The following PHF14 variants were observed in gnomAD, a reference collection of about 807,000 sequenced individuals.
PHF14 encodes PHD finger protein 14.
Under a neutral mutation model 117.9 loss-of-function variants are expected in PHF14, and 55 were observed. The observed-to-expected ratio is 0.47, with a 90% CI of 0.38 to 0.58. PHF14 has a LOEUF of 0.58. Ranked by LOEUF, PHF14 falls within the 20% of genes least tolerant of loss-of-function variation. PHF14 has a pLI of 0.00. For missense variants in PHF14, 978 were observed against 1,122.2 expected (o/e 0.87, Z 1.84); for synonymous variants, 409 against 368.6 (o/e 1.11, Z -1.26).
chr7:11,016,067 A>C (rs1306198601), intron 5 of PHF14, among the ~76,000 whole-genome samples: 2 of 152,146 alleles, frequency 1.3e-5, no homozygotes, highest in Admixed American at 1.3e-4. Context: ...AAGAAAACTG[A>C]GGCCTCTTTA....
At chr7:10,979,215 A>G (rs146926128) in intron 2 of PHF14, among the ~76,000 whole-genome samples, 33 of 152,132 alleles carry the variant, frequency 2.2e-4, no homozygotes, top group African/African-American at 7.2e-4. Context: ...TGATATTGTA[A>G]AGGGATTCTT....
chr7:11,015,557 G>T (rs7791995), intron 5 of PHF14, among the ~76,000 whole-genome samples: 67,055 of 151,794 alleles, frequency 0.44, 16,025 homozygotes, highest in East Asian at 0.85. Flanking sequence ...GACTGTCTAT[G>T]TTTGGATTCT....
At chr7:11,112,248 T>C (rs1479737055) in intron 17 of PHF14, among the ~76,000 whole-genome samples, 1 of 152,220 alleles carries the variant, frequency 6.6e-6, no homozygotes, top group Non-Finnish European at 1.5e-5. Context: ...CTGTCTGTTG[T>C]ATTATGGACA....
chr7:11,138,561 A>G (rs1788308592), intron 17 of PHF14, among the ~76,000 whole-genome samples: 1 of 152,218 alleles, frequency 6.6e-6, no homozygotes, highest in African/African-American at 2.4e-5. Context: ...AACAGCATCA[A>G]TTGTGATAAT....
chr7:10,992,679 CA>C (rs910310163), intron 4 of PHF14, among the ~76,000 whole-genome samples: 30 of 151,532 alleles, frequency 2.0e-4, no homozygotes. Context: ...AACAAACAAA[CA>C]AAAAAAGGCA....
intron 7 of PHF14, among the ~76,000 whole-genome samples, chr7:11,034,964 A>G (rs905882191): frequency 3.3e-5 from 5 of 152,082 alleles, no homozygotes; most frequent in Non-Finnish European, 5.9e-5. Context: ...TTTATGCATA[A>G]CTTTAATATT....
chr7:11,022,533 T>C (rs372429179), intron 5 of PHF14, among the ~76,000 whole-genome samples: 12 of 152,168 alleles, frequency 7.9e-5, no homozygotes, highest in African/African-American at 2.9e-4. Context: ...AATGATGTTT[T>C]GTTTCATTTG....
At chr7:11,055,314 G>T (rs1784981095) in intron 14 of PHF14, among the ~76,000 whole-genome samples, 1 of 152,110 alleles carries the variant, frequency 6.6e-6, no homozygotes, top group South Asian at 2.1e-4. Context: ...AAAGCTTTCA[G>T]ATTTTCTTTT....
intron 4 of PHF14, among the ~76,000 whole-genome samples, chr7:11,009,871 A>G (rs1783281118): frequency 6.6e-6 from 1 of 152,220 alleles, no homozygotes; most frequent in Non-Finnish European, 1.5e-5. Flanking sequence ...CTGGGAATGG[A>G]TTTCAGAATC....
chr7:11,166,591 G>T (rs889852725), intron 17 of PHF14, among the ~76,000 whole-genome samples: 7 of 152,074 alleles, frequency 4.6e-5, no homozygotes, highest in Non-Finnish European at 1.0e-4. Flanking sequence ...AGCTTTATTA[G>T]ATCAAATTTT....
At chr7:11,131,686 G>A (rs1471169884) in intron 17 of PHF14, among the ~76,000 whole-genome samples, 1 of 151,686 alleles carries the variant, frequency 6.6e-6, no homozygotes, top group African/African-American at 2.4e-5. Context: ...TTTTGGTATT[G>A]TATCATCAAA....
intron 6 of PHF14, among the ~76,000 whole-genome samples, chr7:11,024,425 A>G (rs1783842348): frequency 6.6e-6 from 1 of 152,204 alleles, no homozygotes; most frequent in Non-Finnish European, 1.5e-5. Context: ...TGTAGATGAA[A>G]CAGTCTTCTA....
rs1321134291 is a variant in PHF14, at chr7:11,051,762, G to GATTCCGATAAGAAACACGGTAGTTT, written c.2467_2481+10dup. 9.3e-6 allele frequency: 15 copies of GATTCCGATAAGAAACACGGTAGTTT among 1,613,150 alleles called. No homozygotes were observed. The Admixed American group carries it at 1.7e-4, about 18-fold the overall frequency. On this transcript the variant is annotated frameshift_variant, in exon 14 of 18. Transcript: ENST00000634607. LOFTEE classifies it high-confidence loss of function. The stretch of plus-strand genomic sequence containing the variant: ...AGGATGTGCCACCAGAACCCAAGAA[G>GATTCCGATAAGAAACACGGTAGTTT]ATTCCGATAAGAAACACGGTAGTTT...
At position 11,019,057 on chromosome 7, in the gene PHF14, T is replaced by G. The variant is rs777380542; in HGVS notation, c.1206-3811T>G. Among the ~76,000 whole-genome samples the G allele has an allele frequency of 7.2e-5, 11 of 152,194 alleles. 1 individual carries two copies. Among genetic ancestry groups the G allele is most frequent in the Non-Finnish European group, 1.5e-4 (10 of 68,038 alleles). ...TATCATGTTGATTGACTTGCTTATG[T>G]TGAACCATGCTTGCAACCCAGGGAT... is the stretch of plus-strand genomic sequence containing the variant. On this transcript the variant is annotated intron_variant, in intron 5 of 17. Transcript: ENST00000634607.
intron 17 of PHF14, among the ~76,000 whole-genome samples, chr7:11,149,692 A>C (rs907837475): frequency 1.3e-4 from 20 of 152,150 alleles, no homozygotes; most frequent in African/African-American, 4.8e-4. Context: ...CTGATACAGA[A>C]TTTAAAAGTT....
intron 10 of PHF14, among the ~76,000 whole-genome samples, chr7:11,038,291 C>T (rs1006525358): frequency 1.3e-5 from 2 of 151,546 alleles, no homozygotes; most frequent in Non-Finnish European, 2.9e-5. Flanking sequence ...GTTAGCTGGG[C>T]GTGGTGGAGG....
chr7:11,071,104 C>T (rs1231704099), intron 16 of PHF14, among the ~76,000 whole-genome samples: 1 of 152,158 alleles, frequency 6.6e-6, no homozygotes, highest in Non-Finnish European at 1.5e-5. Context: ...TAGGAGATCT[C>T]AACTAGTTTA....
intron 17 of PHF14, among the ~76,000 whole-genome samples, chr7:11,154,819 C>T (rs1411468468): frequency 6.6e-6 from 1 of 152,064 alleles, no homozygotes; most frequent in African/African-American, 2.4e-5. Flanking sequence ...TAAATGTAAT[C>T]ATTCACCCAC....
At chr7:11,002,565 G>A (rs1427527520) in intron 4 of PHF14, among the ~76,000 whole-genome samples, 1 of 151,768 alleles carries the variant, frequency 6.6e-6, no homozygotes, top group Non-Finnish European at 1.5e-5. Flanking sequence ...CAGCCTCCCA[G>A]AGTAGCTGGG....
Sources: gnomAD v4.1 joint callset for allele counts (sites outside exome capture counted in the v4.1 genomes callset) on GRCh38, gnomAD v4.1.1 for gene constraint, MANE v1.5 for transcripts, NCBI Gene and HGNC (gene_info 2026-07-23, HGNC 2026-07-21) for gene names.